Variants in GNG5 observed in about 807,000 individuals in gnomAD.
GNG5 encodes guanine nucleotide-binding protein G(I)/G(S)/G(O) subunit gamma-5.
Under a neutral mutation model 6.2 loss-of-function variants are expected in GNG5, and 2 were observed. The ratio of observed to expected loss-of-function variants is 0.32; its 90% CI spans 0.13 to 1.01. The LOEUF (loss-of-function observed/expected upper bound fraction) is 1.01. GNG5 is among the 50% of genes least tolerant of loss of function. The pLI, the probability that GNG5 is intolerant of heterozygous loss-of-function variation, is 0.48. For synonymous variants in GNG5, 24 were observed against 33.0 expected, an observed-to-expected ratio of 0.73 and a Z score of 0.93; for missense variants, 57 against 80.2, an observed-to-expected ratio of 0.71 and a Z score of 1.10.
At chr1:84,498,769 A>C (rs1300626788) in intron 3 of GNG5, among the ~76,000 whole-genome samples, 1 of 152,218 alleles carries the variant, frequency 6.6e-6, no homozygotes, top group African/African-American at 2.4e-5. Flanking sequence ...TACTGCCAAA[A>C]TACATTCTGT....
intron 2 of GNG5, among the ~76,000 whole-genome samples, chr1:84,505,377 G>C (rs936819388): frequency 3.3e-5 from 5 of 152,174 alleles, no homozygotes; most frequent in African/African-American, 1.2e-4. Flanking sequence ...TGTGCCATAG[G>C]TATGAAATGC....
chr1:84,505,900 C>A, intron 2 of GNG5, 111 bp downstream of exon 2: 1 of 749,782 alleles, frequency 1.3e-6, no homozygotes, highest in Non-Finnish European at 1.9e-6. Context: ...CGCGTCCTCT[C>A]CAGGGGAAGC....
intron 3 of GNG5, among the ~76,000 whole-genome samples, 169 bp from the exon 4 acceptor site, chr1:84,498,717 T>A (rs1211984123): frequency 3.9e-5 from 6 of 152,232 alleles, no homozygotes; most frequent in Non-Finnish European, 8.8e-5. Context: ...GTATAAGTCA[T>A]TCCTGTTTTA....
intron 2 of GNG5, among the ~76,000 whole-genome samples, chr1:84,503,268 G>A (rs996276065): frequency 2.0e-5 from 3 of 152,182 alleles, no homozygotes; most frequent in African/African-American, 4.8e-5. Flanking sequence ...AGGAGGCTGG[G>A]AGCAGGTGTC....
At chr1:84,500,991 T>G (rs1465050505) in intron 3 of GNG5, among the ~76,000 whole-genome samples, 1 of 152,186 alleles carries the variant, frequency 6.6e-6, no homozygotes, top group African/African-American at 2.4e-5. Context: ...GTACTAAGAA[T>G]TTATAAAAGG....
intron 2 of GNG5, among the ~76,000 whole-genome samples, chr1:84,504,123 A>C (rs749019588): frequency 1.2e-4 from 18 of 152,336 alleles, no homozygotes; most frequent in Non-Finnish European, 2.1e-4. Flanking sequence ...TCAAGCACTT[A>C]TGGTAAGTTC....
chr1:84,504,243 AC>A (rs1198362061), intron 2 of GNG5, among the ~76,000 whole-genome samples: 7 of 152,242 alleles, frequency 4.6e-5, no homozygotes, highest in African/African-American at 1.7e-4. Flanking sequence ...ACAACGTTAA[AC>A]CACATTTAGC....
Position 84,506,342 on chromosome 1 carries a change from C to A in GNG5, c.-210-41G>T, listed in dbSNP as rs573576047. The A allele has an allele frequency of 8.2e-6, 3 of 367,722 alleles. No individual in the cohort carries two copies. The Admixed American group carries it at 1.5e-4, about 18-fold the overall frequency. 22.8% of individuals were successfully genotyped at this position (367,722 alleles called of 1,614,324 possible). Reference sequence around the variant, plus strand: ...GAGAAGGGGCGGAGCAGTCGGTGGGCGCGGCGGCTGCTGGAGGCTAGCGCG... The same window carrying A: ...GAGAAGGGGCGGAGCAGTCGGTGGGAGCGGCGGCTGCTGGAGGCTAGCGCG... On this transcript the variant is annotated intron_variant, in intron 1 of 3. Transcript: ENST00000370645.
chr1:84,501,922 G>A lies in GNG5; in HGVS notation c.130C>T (p.Gln44Ter). 1 of 1,606,074 alleles carries A rather than the reference G, an allele frequency of 6.2e-7. No homozygotes were observed. The highest frequency in any genetic ancestry group is 8.5e-7 in the Non-Finnish European group (1 of 1,172,720). ...DLKQFCLQNA[Q>*]HDPLLTGVSS... ...ACTCCAGTCAGCAGAGGGTCATGTT[G>A]AGCATTCTGCAGACAGAACTGTTTC... The change falls in exon 3 of 4, where the codon CAA (glutamine) becomes TAA (stop). Residue 44 changes from glutamine (Q) to a stop codon, truncating the protein, a stop_gained. Transcript: ENST00000370645. LOFTEE classifies it high-confidence loss of function.
chr1:84,506,175 G>A lies in GNG5; in HGVS notation c.-84C>T, dbSNP rs904977416. ...GGGGCCAGACAACTCAGCGGCGCGC[G>A]GCGGGGGCGGGGCTCCGAACTTTGT... is the stretch of plus-strand genomic sequence containing the variant. On this transcript the variant is annotated 5_prime_UTR_variant, in exon 2 of 4. Coordinates refer to ENST00000370645, the MANE Select transcript of GNG5 (RefSeq NM_005274.3). 11 of 1,084,116 alleles carry A rather than the reference G, an allele frequency of 1.0e-5. No homozygotes were observed. The East Asian group carries it at 2.1e-4, about 21-fold the overall frequency. 67.2% of individuals were successfully genotyped at this position (1,084,116 alleles called of 1,614,324 possible).
At chr1:84,502,820 T>C (rs1682084879) in intron 2 of GNG5, among the ~76,000 whole-genome samples, 3 of 152,204 alleles carry the variant, frequency 2.0e-5, no homozygotes, top group African/African-American at 7.2e-5. Context: ...CAGACCCTTA[T>C]ACTGTCTTGC....
chr1:84,502,691 T>C (rs555236086), intron 2 of GNG5, among the ~76,000 whole-genome samples: 1 of 152,316 alleles, frequency 6.6e-6, no homozygotes, highest in African/African-American at 2.4e-5. Context: ...TTACTTTGTC[T>C]TGAAAGCAGT....
At chr1:84,504,546 C>G (rs925823634) in intron 2 of GNG5, among the ~76,000 whole-genome samples, 5 of 152,148 alleles carry the variant, frequency 3.3e-5, no homozygotes, top group African/African-American at 7.2e-5. Flanking sequence ...CTATCCCACC[C>G]CCATTTTTTT....
At chr1:84,505,346 C>T (rs1430934865) in intron 2 of GNG5, among the ~76,000 whole-genome samples, 1 of 152,188 alleles carries the variant, frequency 6.6e-6, no homozygotes, top group Admixed American at 6.5e-5. Context: ...TCGATATCCC[C>T]AAGGTCAAAT....
chr1:84,498,440 T>C lies in GNG5; in HGVS notation c.*128A>G, dbSNP rs1028033940. 2.0e-5 allele frequency: 3 copies of C among 152,690 alleles called. No individual in the cohort carries two copies. The highest frequency in any genetic ancestry group is 4.8e-5 in the African/African-American group (2 of 41,398). The allele number at this position is 152,690 out of a possible 1,614,324, so 9.5% of individuals were successfully genotyped here. A position where few individuals can be genotyped will look rare whatever the true frequency, so the allele number is the denominator to read the frequency against. On this transcript the variant is annotated 3_prime_UTR_variant, in exon 4 of 4. Transcript: ENST00000370645. Reference sequence around the variant, plus strand: ...GGTAGATGTTAAGGACTGACGAAAGTAGAAGTTTGTATATTATGGCACATG... The same window carrying C: ...GGTAGATGTTAAGGACTGACGAAAGCAGAAGTTTGTATATTATGGCACATG...
At chr1:84,502,611 C>G (rs916740572) in intron 2 of GNG5, among the ~76,000 whole-genome samples, 1 of 152,070 alleles carries the variant, frequency 6.6e-6, no homozygotes. Flanking sequence ...AAGTGCAAAC[C>G]TGAGGGTACT....
Position 84,502,483 on chromosome 1 carries a change from TTAAG to T in GNG5, c.82-517_82-514del, listed in dbSNP as rs535967259. ...GTGCTTGCAAATAAGACTGATTTAA[TTAAG>T]TATGTTTTCTTTTGCTTGGTTACTA... On this transcript the variant is annotated intron_variant, in intron 2 of 3. Coordinates refer to ENST00000370645, the MANE Select transcript of GNG5 (RefSeq NM_005274.3). 2.5e-3 allele frequency among the ~76,000 whole-genome samples: 374 copies of T among 152,256 alleles called. 1 individual carries two copies. Among genetic ancestry groups the T allele is most frequent in the Non-Finnish European group, 3.9e-3 (266 of 68,018 alleles).
intron 2 of GNG5, 62 bp downstream of exon 2, chr1:84,505,949 G>A: frequency 8.3e-7 from 1 of 1,205,178 alleles, no homozygotes; most frequent in Non-Finnish European, 1.1e-6. Context: ...CGCCAGCTGG[G>A]CCGCCGGATC....
intron 3 of GNG5, 125 bp downstream of exon 3, chr1:84,501,701 A>G: frequency 1.6e-6 from 1 of 622,946 alleles, no homozygotes; most frequent in Non-Finnish European, 2.9e-6. Context: ...CTTGCAAAAC[A>G]GAAAAATACT....
Sources: gnomAD v4.1 joint callset for allele counts (sites outside exome capture counted in the v4.1 genomes callset) on GRCh38, gnomAD v4.1.1 for gene constraint, MANE v1.5 for transcripts, NCBI Gene and HGNC (gene_info 2026-07-23, HGNC 2026-07-21) for gene names.